The following KIF13B variants were observed in gnomAD, a reference collection of about 807,000 sequenced individuals.
The protein encoded by KIF13B is kinesin family member 13B.
In KIF13B, 127 loss-of-function variants were observed where a neutral mutation model predicts 222.0. That is an observed-to-expected ratio of 0.57 (90% CI 0.50 to 0.66). KIF13B has a LOEUF of 0.66. Ranked by LOEUF, KIF13B falls within the 30% of genes least tolerant of loss-of-function variation. KIF13B has a pLI of 0.00. For synonymous variants in KIF13B, 976 were observed against 919.0 expected, an observed-to-expected ratio of 1.06 and a Z score of -1.12; for missense variants, 2,173 against 2,379.0, an observed-to-expected ratio of 0.91 and a Z score of 1.80.
At chr8:29,167,021 T>C (rs1183860732) in intron 11 of KIF13B, among the ~76,000 whole-genome samples, 1 of 152,198 alleles carries the variant, frequency 6.6e-6, no homozygotes, top group Non-Finnish European at 1.5e-5. Flanking sequence ...AATCCTGCTC[T>C]CCATCATTTT....
At chr8:29,222,049 T>C (rs1217754652) in intron 2 of KIF13B, among the ~76,000 whole-genome samples, 1 of 152,126 alleles carries the variant, frequency 6.6e-6, no homozygotes, top group African/African-American at 2.4e-5. Context: ...CTGTTTTCTA[T>C]AAAAATACCT....
chr8:29,239,143 C>G (rs1217325159), intron 2 of KIF13B, among the ~76,000 whole-genome samples: 2 of 152,188 alleles, frequency 1.3e-5, no homozygotes, highest in African/African-American at 4.8e-5. Context: ...CCCAGCCCCC[C>G]AAACCATACA....
intron 2 of KIF13B, among the ~76,000 whole-genome samples, chr8:29,235,122 C>A (rs1815450041): frequency 6.6e-6 from 1 of 152,044 alleles, no homozygotes; most frequent in Non-Finnish European, 1.5e-5. Context: ...TATTAGATCA[C>A]AAAGAAACAT....
At chr8:29,182,810 G>A (rs533899936) in intron 6 of KIF13B, among the ~76,000 whole-genome samples, 2 of 152,158 alleles carry the variant, frequency 1.3e-5, no homozygotes, top group South Asian at 2.1e-4. Context: ...CTACTGCACA[G>A]CATGGTGACT....
At chr8:29,259,055 A>G (rs1203219845) in intron 1 of KIF13B, among the ~76,000 whole-genome samples, 1 of 152,166 alleles carries the variant, frequency 6.6e-6, no homozygotes, top group African/African-American at 2.4e-5. Context: ...ACATTTTTAC[A>G]TAGTAATAAT....
chr8:29,080,327 C>CAA (rs5890439), intron 37 of KIF13B, among the ~76,000 whole-genome samples: 30,506 of 66,602 alleles, frequency 0.46, 7,059 homozygotes, highest in Non-Finnish European at 0.52. Context: ...GACCCAGTCT[C>CAA]AAAAAAAAAA....
chr8:29,222,078 G>T (rs573433422), intron 2 of KIF13B, among the ~76,000 whole-genome samples: 1 of 152,200 alleles, frequency 6.6e-6, no homozygotes, highest in East Asian at 1.9e-4. Flanking sequence ...CAGGCACAGT[G>T]GCTCCCGACT....
chr8:29,165,744 C>T lies in KIF13B; in HGVS notation c.1187G>A (p.Arg396Gln), dbSNP rs35542230. The T allele has an allele frequency of 4.8e-5, 78 of 1,613,602 alleles. No individual in the cohort carries two copies. In the Middle Eastern group the frequency reaches 8.2e-4, roughly 17 times the overall value. Residue 396 changes from arginine to glutamine, a missense_variant, in exon 12 of 40, where the codon CGG (arginine) becomes CAG (glutamine). By Grantham distance (43) the Arg-to-Gln change is conservative. Coordinates refer to ENST00000524189, the MANE Select transcript of KIF13B (RefSeq NM_015254.4). ...GATTAGCTTCTCAGATTCTTCCAGC[C>T]GGTCCTTTAGCTCTGGAGATTTCAT... is the stretch of plus-strand genomic sequence containing the variant. ...EAMKSPELKD[R>Q]LEESEKLIQE...
At chr8:29,113,373 T>C in intron 32 of KIF13B, 90 bp downstream of exon 32, 1 of 690,326 alleles carries the variant, frequency 1.4e-6, no homozygotes, top group South Asian at 1.9e-5. Context: ...CACTTTCACT[T>C]CATATGTATG....
Position 29,109,984 on chromosome 8 carries a change from A to G in KIF13B, c.4017T>C (p.Tyr1339=), listed in dbSNP as rs1199788308. ...GCACGCTCCTGAGGTACTTTTCAAT[A>G]TAAGCCTCCGAGTCAGCAGAAGCTG... ...ENPASADSEA[Y]IEKYLRSVLA... Residue 1339 remains tyrosine (Y), a synonymous_variant, in exon 33 of 40, where the codon TAT becomes TAC. Coordinates refer to ENST00000524189, the MANE Select transcript of KIF13B (RefSeq NM_015254.4). 6.2e-7 allele frequency: 1 copy of G among 1,611,952 alleles called. No individual in the cohort carries two copies. The highest frequency in any genetic ancestry group is 8.5e-7 in the Non-Finnish European group (1 of 1,179,096).
intron 2 of KIF13B, chr8:29,218,936 T>A (rs1261412752): frequency 6.6e-6 from 1 of 152,272 alleles, no homozygotes; most frequent in Non-Finnish European, 1.5e-5. Context: ...CATCCTCATA[T>A]GCAACCTCTG....
At chr8:29,135,922 A>T (rs1563730654) in intron 21 of KIF13B, among the ~76,000 whole-genome samples, 1 of 151,350 alleles carries the variant, frequency 6.6e-6, no homozygotes, top group Non-Finnish European at 1.5e-5. Context: ...GCAAAAACAC[A>T]TTTCGAGAAG....
intron 3 of KIF13B, 31 bp downstream of exon 3, chr8:29,196,155 AC>A: frequency 6.5e-7 from 1 of 1,544,694 alleles, no homozygotes; most frequent in Non-Finnish European, 8.8e-7. Flanking sequence ...TAAGATCTTT[AC>A]AAGCATCACA....
At chr8:29,159,736 G>C (rs779444564) in intron 13 of KIF13B, among the ~76,000 whole-genome samples, 2 of 152,150 alleles carry the variant, frequency 1.3e-5, no homozygotes, top group African/African-American at 2.4e-5. Context: ...CAACACTTGA[G>C]ACATGCACAT....
At chr8:29,130,769 A>T in intron 23 of KIF13B, 104 bp from the exon 24 acceptor site, 1 of 1,004,910 alleles carries the variant, frequency 1.0e-6, no homozygotes, top group Non-Finnish European at 1.5e-6. Flanking sequence ...TGACCTCCAA[A>T]CAGAGTAATT....
intron 21 of KIF13B, 57 bp from the exon 22 acceptor site, chr8:29,134,267 G>C: frequency 6.4e-7 from 1 of 1,556,320 alleles, no homozygotes; most frequent in Non-Finnish European, 8.8e-7. Flanking sequence ...CAAGCATTCA[G>C]AGTTGCAGGT....
At chr8:29,112,246 A>T (rs529562603) in intron 32 of KIF13B, among the ~76,000 whole-genome samples, 4 of 152,268 alleles carry the variant, frequency 2.6e-5, no homozygotes, top group African/African-American at 7.2e-5. Flanking sequence ...CATCCTGGCC[A>T]ACGTGGTGAA....
At position 29,087,005 on chromosome 8, in the gene KIF13B, CCT is replaced by C. The variant is rs1808074599; in HGVS notation, c.4458+5738_4458+5739del. 2.6e-5 allele frequency among the ~76,000 whole-genome samples: 4 copies of C among 152,354 alleles called. No homozygotes were observed. In the South Asian group the frequency reaches 8.3e-4, roughly 32 times the overall value. ...GTGCTGCTAAGTCCAGCACTGGATG[CCT>C]CACGCAGAGCCGTAGCCACGCCAGT... is the stretch of plus-strand genomic sequence containing the variant. On this transcript the variant is annotated intron_variant, in intron 37 of 39. Coordinates refer to ENST00000524189, the MANE Select transcript of KIF13B (RefSeq NM_015254.4).
intron 6 of KIF13B, among the ~76,000 whole-genome samples, chr8:29,182,833 A>G (rs1169772558): frequency 6.6e-6 from 1 of 152,156 alleles, no homozygotes; most frequent in African/African-American, 2.4e-5. Context: ...AGTCAGCAAC[A>G]TAATGTGTAT....
Sources: allele counts gnomAD v4.1 joint callset (sites outside exome capture counted in the v4.1 genomes callset), GRCh38; gene constraint gnomAD v4.1.1; transcripts MANE v1.5; gene names NCBI Gene and HGNC (gene_info 2026-07-23, HGNC 2026-07-21).